RASGEF1B: variants seen among roughly 807,000 people sequenced by gnomAD.
RASGEF1B encodes the protein RasGEF domain family member 1B, also known as ras-GEF domain-containing family member 1B.
A neutral mutation model predicts 65.7 loss-of-function variants in RASGEF1B; 30 were observed. That is an observed-to-expected ratio of 0.46 (90% CI 0.34 to 0.62). RASGEF1B has a LOEUF of 0.62. Among genes scored for constraint, RASGEF1B ranks in the 20% least tolerant of loss-of-function variants. The pLI is 0.01. For missense variants in RASGEF1B, 495 were observed against 580.1 expected, an observed-to-expected ratio of 0.85 and a Z score of 1.51; for synonymous variants, 175 against 194.8, an observed-to-expected ratio of 0.90 and a Z score of 0.85.
intron 13 of RASGEF1B, among the ~76,000 whole-genome samples, chr4:81,432,082 C>G (rs1452165483): frequency 6.6e-6 from 1 of 152,056 alleles, no homozygotes; most frequent in Non-Finnish European, 1.5e-5. Context: ...AGAAAAAGAA[C>G]AGTCACTGTA....
At chr4:81,434,080 C>A in intron 11 of RASGEF1B, 117 bp from the exon 12 acceptor site, 4 of 876,118 alleles carry the variant, frequency 4.6e-6, no homozygotes, top group Non-Finnish European at 7.1e-6. Context: ...GACAGGGTTT[C>A]ACTCTGTCAC....
In RASGEF1B at chr4:81,434,650, C is replaced by T. The variant is rs34211143; in HGVS notation, c.1189G>A (p.Val397Ile). 0.013 allele frequency: 20,973 copies of T among 1,590,554 alleles called. 184 individuals are homozygous for T. Among genetic ancestry groups the T allele is most frequent in the Middle Eastern group, 0.019 (114 of 6,026 alleles). The change falls in exon 11 of 14, where the codon GTC (valine) becomes ATC (isoleucine). Residue 397 changes from valine to isoleucine, a missense_variant. Transcript: ENST00000264400. ...GCANRLPNGH[V>I]NFEKFWELAK... ...TTTATCACACTCACCTCAAAATTGA[C>T]ATGGCCATTGGGAAGGCGGTTGGCA... is the stretch of plus-strand genomic sequence containing the variant.
chr4:81,450,729 CGGACACCTGCAGTCCCAGTTAGTT>C (rs1360030498), intron 4 of RASGEF1B, among the ~76,000 whole-genome samples: 1 of 151,912 alleles, frequency 6.6e-6, no homozygotes, highest in Non-Finnish European at 1.5e-5. Flanking sequence ...AAAAATTAGC[CGGACACCTGCAGTCCCAGTTAGTT>C]GGGGGGAACA....
intron 9 of RASGEF1B, among the ~76,000 whole-genome samples, chr4:81,441,147 T>C (rs1721820182): frequency 1.3e-5 from 2 of 152,222 alleles, no homozygotes; most frequent in African/African-American, 4.8e-5. Context: ...TCAGCTTCAA[T>C]AATGTTAAAC....
intron 13 of RASGEF1B, among the ~76,000 whole-genome samples, chr4:81,430,723 T>C (rs959918312): frequency 2.6e-5 from 4 of 152,232 alleles, no homozygotes; most frequent in African/African-American, 9.6e-5. Context: ...AGTACAGACG[T>C]GGGAAGACAT....
chr4:81,456,792 G>C lies in RASGEF1B; in HGVS notation c.301-4C>G. 3.1e-6 allele frequency: 5 copies of C among 1,600,582 alleles called. No individual in the cohort carries two copies. The highest frequency in any genetic ancestry group is 1.1e-5 in the South Asian group (1 of 88,914). On this transcript the variant is annotated splice_region_variant and splice_polypyrimidine_tract_variant and intron_variant, in intron 3 of 13. Coordinates refer to ENST00000264400, the MANE Select transcript of RASGEF1B (RefSeq NM_152545.3). ...GTGCAATTTTTCTCATCTGGTTCTA[G>C]GGAGAAATAGCAAATCTAATTCAGT...
intron 1 of RASGEF1B, among the ~76,000 whole-genome samples, chr4:81,462,940 A>G (rs1298542477): frequency 6.6e-6 from 1 of 152,212 alleles, no homozygotes; most frequent in Non-Finnish European, 1.5e-5. Context: ...GAGGTTCAGA[A>G]AAACTGTAAT....
intron 10 of RASGEF1B, among the ~76,000 whole-genome samples, chr4:81,436,074 G>C (rs1306447521): frequency 6.6e-6 from 1 of 152,036 alleles, no homozygotes; most frequent in Non-Finnish European, 1.5e-5. Flanking sequence ...GAGCCACCAA[G>C]CCCAGCCATG....
intron 3 of RASGEF1B, 87 bp from the exon 4 acceptor site, chr4:81,456,875 A>T: frequency 8.3e-7 from 1 of 1,211,364 alleles, no homozygotes; most frequent in Non-Finnish European, 1.2e-6. Context: ...TCACTGAGAA[A>T]CTTCTAGTGC....
intron 10 of RASGEF1B, among the ~76,000 whole-genome samples, chr4:81,438,151 G>C (rs929897874): frequency 1.3e-5 from 2 of 152,180 alleles, no homozygotes; most frequent in African/African-American, 4.8e-5. Context: ...AGGATTTAAA[G>C]CCATGTAATC....
rs763424757 is a variant in RASGEF1B, at chr4:81,440,846, A to G, written c.1092T>C (p.Ser364=). The change falls in exon 10 of 14, where the codon AGT becomes AGC. Residue 364 remains serine, a synonymous_variant. Transcript: ENST00000264400. ...TTTAAGTGCATACCTTTTCTCTACT[A>G]CTATGAGCAGTTAAAGACCTTTGTG... is the stretch of plus-strand genomic sequence containing the variant. The part of the protein sequence containing the change: ...GAAQRSLTAH[S]SREKIVIPFF... The G allele has an allele frequency of 1.2e-6, 2 of 1,607,292 alleles. No individual in the cohort carries two copies. The highest frequency in any genetic ancestry group is 1.7e-6 in the Non-Finnish European group (2 of 1,174,246).
chr4:81,471,399 C>A (rs1723017412), intron 1 of RASGEF1B, among the ~76,000 whole-genome samples: 1 of 152,216 alleles, frequency 6.6e-6, no homozygotes, highest in South Asian at 2.1e-4. Flanking sequence ...GGCCTGGCTG[C>A]AGGATCAGGG....
intron 1 of RASGEF1B, among the ~76,000 whole-genome samples, chr4:81,460,599 C>A (rs1158049720): frequency 1.3e-5 from 2 of 152,186 alleles, no homozygotes; most frequent in Non-Finnish European, 2.9e-5. Flanking sequence ...GTCTAAGTCA[C>A]ATCCATCACT....
chr4:81,471,745 A>G (rs1471373898), intron 1 of RASGEF1B, 25 bp downstream of exon 1: 1 of 152,766 alleles, frequency 6.5e-6, no homozygotes, highest in East Asian at 1.9e-4. Flanking sequence ...AGCCGGGAGA[A>G]CAACCCAGCC....
At chr4:81,468,631 GA>G in intron 1 of RASGEF1B, among the ~76,000 whole-genome samples, 1 of 152,134 alleles carries the variant, frequency 6.6e-6, no homozygotes, top group Non-Finnish European at 1.5e-5. Context: ...CATACCTAAA[GA>G]AAAACAAAGC....
intron 10 of RASGEF1B, among the ~76,000 whole-genome samples, chr4:81,438,533 G>T (rs186035025): frequency 2.9e-4 from 44 of 152,348 alleles, no homozygotes; most frequent in African/African-American, 9.9e-4. Context: ...TGTAAAAAGA[G>T]ATGGCATTTT....
At chr4:81,448,398 G>A in intron 4 of RASGEF1B, 114 bp from the exon 5 acceptor site, 2 of 881,290 alleles carry the variant, frequency 2.3e-6, no homozygotes, top group Admixed American at 4.1e-5. Flanking sequence ...GAATAAACTT[G>A]GTTAAGGGCA....
At chr4:81,432,206 T>G in intron 13 of RASGEF1B, 93 bp downstream of exon 13, 1 of 760,708 alleles carries the variant, frequency 1.3e-6, no homozygotes, top group Non-Finnish European at 2.2e-6. Flanking sequence ...TTGGAACAGA[T>G]AGACAGCAGC....
At position 81,456,685 on chromosome 4, in the gene RASGEF1B, T is replaced by C; in HGVS notation, c.404A>G (p.Lys135Arg). The C allele has an allele frequency of 6.2e-7, 1 of 1,614,210 alleles. No homozygotes were observed. Among genetic ancestry groups the C allele is most frequent in the South Asian group, 1.1e-5 (1 of 91,086 alleles). The change falls in exon 4 of 14, where the codon AAA becomes AGA. Residue 135 changes from lysine to arginine, a missense_variant. Coordinates refer to ENST00000264400, the MANE Select transcript of RASGEF1B (RefSeq NM_152545.3). ...FRDERMMRNL[K>R]DLAHRIASGE... ...ACTGGCTATTCGGTGAGCCAGATCT[T>C]TTAAGTTTCTCATCATTCTTTCATC...
Sources: allele counts gnomAD v4.1 joint callset (sites outside exome capture counted in the v4.1 genomes callset), GRCh38; gene constraint gnomAD v4.1.1; transcripts MANE v1.5; gene names NCBI Gene and HGNC (gene_info 2026-07-23, HGNC 2026-07-21).